HIVEP2: variants seen among roughly 807,000 people sequenced by gnomAD.
The protein encoded by HIVEP2 is HIVEP zinc finger 2.
A neutral mutation model predicts 180.7 loss-of-function variants in HIVEP2; 14 were observed. The ratio of observed to expected loss-of-function variants is 0.08; its 90% CI spans 0.05 to 0.12. The LOEUF (loss-of-function observed/expected upper bound fraction) is 0.12. Ranked by LOEUF, HIVEP2 falls within the 10% of genes least tolerant of loss-of-function variation. The probability of loss-of-function intolerance (pLI) is 1.00; values close to 1 mark genes in which losing one functional copy is unlikely to be tolerated. For synonymous variants in HIVEP2, 1,184 were observed against 1,136.4 expected (o/e 1.04, Z -0.84); for missense variants, 2,579 against 3,008.5 (o/e 0.86, Z 3.34).
chr6:142,911,703 A>G (rs1043864356), intron 1 of HIVEP2, among the ~76,000 whole-genome samples: 11 of 152,186 alleles, frequency 7.2e-5, no homozygotes, highest in Admixed American at 7.2e-4. Context: ...GAAATGAGAC[A>G]ACAAGCCATT....
intron 1 of HIVEP2, among the ~76,000 whole-genome samples, chr6:142,844,127 G>A (rs567870839): frequency 1.3e-5 from 2 of 152,004 alleles, no homozygotes; most frequent in African/African-American, 2.4e-5. Flanking sequence ...AACATATCCA[G>A]AAACAGAATG....
At chr6:142,765,599 T>C (rs773006213) in intron 6 of HIVEP2, among the ~76,000 whole-genome samples, 1 of 152,216 alleles carries the variant, frequency 6.6e-6, no homozygotes. Context: ...TCTGTAATAA[T>C]GTGGAGTCTA....
chr6:142,871,151 T>C (rs1159882626), intron 1 of HIVEP2, among the ~76,000 whole-genome samples: 1 of 152,184 alleles, frequency 6.6e-6, no homozygotes, highest in Non-Finnish European at 1.5e-5. Flanking sequence ...AGAAGTGAAT[T>C]ACTGGTATGT....
At chr6:142,864,146 T>C (rs1036503929) in intron 1 of HIVEP2, among the ~76,000 whole-genome samples, 2 of 152,144 alleles carry the variant, frequency 1.3e-5, no homozygotes, top group Admixed American at 6.6e-5. Context: ...TTGAGTATTT[T>C]ACTCTTTTGT....
chr6:142,773,624 C>T lies in HIVEP2; in HGVS notation c.1115G>A (p.Arg372Lys). ...ATCTTGTCCTTTTTTCTCTGACAGT[C>T]TTAGTGCAAGTTTCTGTTTGACTGT... ...SHTVKQKLAL[R>K]LSEKKGQDSE... The change falls in exon 5 of 10, where the codon AGA (arginine) becomes AAA (lysine). Residue 372 changes from arginine to lysine, a missense_variant. Around this residue, in one of 11 missense-constraint regions of HIVEP2, gnomAD observed 47 missense variants for 92.5 expected, o/e 0.51. Coordinates refer to ENST00000367603, the MANE Select transcript of HIVEP2 (RefSeq NM_006734.4). The T allele has an allele frequency of 6.2e-7, 1 of 1,614,108 alleles. No individual in the cohort carries two copies. Among genetic ancestry groups the T allele is most frequent in the Non-Finnish European group, 8.5e-7 (1 of 1,180,036 alleles).
intron 2 of HIVEP2, among the ~76,000 whole-genome samples, chr6:142,809,592 T>TTTGTTTGC (rs1362567208): frequency 6.6e-6 from 1 of 151,774 alleles, no homozygotes; most frequent in African/African-American, 2.4e-5. Context: ...TGTTTGTTTG[T>TTTGTTTGC]TTGTTTGTTT....
At chr6:142,914,292 C>CA (rs969371990) in intron 1 of HIVEP2, among the ~76,000 whole-genome samples, 7 of 151,586 alleles carry the variant, frequency 4.6e-5, no homozygotes, top group Non-Finnish European at 1.0e-4. Flanking sequence ...TGGCATCTTT[C>CA]AAAAAAAATT....
chr6:142,751,856 T>A lies in HIVEP2; in HGVS notation c.*1251A>T, dbSNP rs1475933285. 6.5e-6 allele frequency: 1 copy of A among 152,722 alleles called. No homozygotes were observed. Among genetic ancestry groups the A allele is most frequent in the Non-Finnish European group, 1.5e-5 (1 of 68,134 alleles). The allele number at this position is 152,722 out of a possible 1,614,324, so 9.5% of individuals were successfully genotyped here. A position where few individuals can be genotyped will look rare whatever the true frequency, so the allele number is the denominator to read the frequency against. On this transcript the variant is annotated 3_prime_UTR_variant, in exon 10 of 10. Coordinates refer to ENST00000367603, the MANE Select transcript of HIVEP2 (RefSeq NM_006734.4). ...CCCCTAACACAGATGTTAACCCTGT[T>A]CCCATGTAAACCGGCTGACAGGAAG...
At chr6:142,918,243 G>A (rs537938839) in intron 1 of HIVEP2, among the ~76,000 whole-genome samples, 2 of 151,606 alleles carry the variant, frequency 1.3e-5, no homozygotes, top group South Asian at 2.1e-4. Flanking sequence ...ACCGGGTTTC[G>A]CCATTTTGGC....
At chr6:142,866,491 C>T (rs1776141967) in intron 1 of HIVEP2, among the ~76,000 whole-genome samples, 1 of 151,492 alleles carries the variant, frequency 6.6e-6, no homozygotes, top group African/African-American at 2.4e-5. Context: ...TTTCTTGTAG[C>T]GTTAGGTCAG....
intron 1 of HIVEP2, among the ~76,000 whole-genome samples, chr6:142,905,707 A>G (rs1349989447): frequency 6.6e-6 from 1 of 152,244 alleles, no homozygotes; most frequent in African/African-American, 2.4e-5. Context: ...TGAAAAAATT[A>G]TATGACATAA....
At chr6:142,810,209 T>G (rs1286913546) in intron 2 of HIVEP2, among the ~76,000 whole-genome samples, 3 of 152,198 alleles carry the variant, frequency 2.0e-5, no homozygotes, top group Non-Finnish European at 4.4e-5. Flanking sequence ...TCAATAATGA[T>G]AGCAATTATA....
At chr6:142,883,194 A>G (rs1051590435) in intron 1 of HIVEP2, among the ~76,000 whole-genome samples, 4 of 152,062 alleles carry the variant, frequency 2.6e-5, no homozygotes, top group African/African-American at 7.2e-5. Flanking sequence ...GCACATGGAG[A>G]GAGAAAGGGG....
intron 3 of HIVEP2, among the ~76,000 whole-genome samples, 182 bp downstream of exon 3, chr6:142,783,326 CAAAAAAAAAAAAA>C (rs567202980): frequency 1.4e-5 from 1 of 71,070 alleles, no homozygotes; most frequent in African/African-American, 5.7e-5. Context: ...GACTCCGTCA[CAAAAAAAAAAAAA>C]AAAAAAAAAA....
At chr6:142,944,373 C>A (rs868057065) in intron 1 of HIVEP2, among the ~76,000 whole-genome samples, 4 of 120,290 alleles carry the variant, frequency 3.3e-5, no homozygotes, top group Non-Finnish European at 7.5e-5. Flanking sequence ...CCCCCCCCCC[C>A]ACCAAATACG....
intron 1 of HIVEP2, among the ~76,000 whole-genome samples, chr6:142,869,583 G>A (rs532566427): frequency 2.2e-4 from 33 of 152,052 alleles, no homozygotes; most frequent in Non-Finnish European, 4.3e-4. Context: ...ACTTTCCCAC[G>A]TCTTAACTCA....
Position 142,770,182 on chromosome 6 carries a change from C to A in HIVEP2, c.4557G>T (p.Ser1519=). The change falls in exon 5 of 10, where the codon TCG becomes TCT. Residue 1519 remains serine (S), a synonymous_variant. Coordinates refer to ENST00000367603, the MANE Select transcript of HIVEP2 (RefSeq NM_006734.4). This position sits in a 1 kb window ranked among gnomAD's most constrained non-coding sequence, Gnocchi z 4.7. ...AAGGATAGTCTTGAGATGAGGAGGG[C>A]GACAGCGAGGAGAAGGAAGATGACC... ...QSGSSSFSSL[S]PSSSQDYPSV... is the part of the protein sequence containing the mutation. 6.2e-7 allele frequency: 1 copy of A among 1,614,130 alleles called. No homozygotes were observed. Among genetic ancestry groups the A allele is most frequent in the Non-Finnish European group, 8.5e-7 (1 of 1,180,040 alleles).
intron 2 of HIVEP2, among the ~76,000 whole-genome samples, chr6:142,810,533 G>A (rs1776665994): frequency 6.6e-6 from 1 of 151,978 alleles, no homozygotes; most frequent in African/African-American, 2.4e-5. Context: ...GAGGCCAGGG[G>A]GGCAAATCAC....
At chr6:142,904,511 T>C (rs929158301) in intron 1 of HIVEP2, among the ~76,000 whole-genome samples, 1 of 152,150 alleles carries the variant, frequency 6.6e-6, no homozygotes, top group Non-Finnish European at 1.5e-5. Context: ...GAGGTGAATG[T>C]GACATTTCAT....
Sources: allele counts gnomAD v4.1 joint callset (sites outside exome capture counted in the v4.1 genomes callset), GRCh38; gene constraint gnomAD v4.1.1; regional missense constraint gnomAD v4.1.1; non-coding constraint Gnocchi (gnomAD v3.1); transcripts MANE v1.5; gene names NCBI Gene and HGNC (gene_info 2026-07-23, HGNC 2026-07-21).